RANBP9: variants seen among roughly 807,000 people sequenced by gnomAD.
RANBP9 encodes ran-binding protein 9.
Under a neutral mutation model 84.3 loss-of-function variants are expected in RANBP9, and 15 were observed. That is an observed-to-expected ratio of 0.18 (90% CI 0.12 to 0.27). The LOEUF (loss-of-function observed/expected upper bound fraction) is 0.27. RANBP9 is among the 10% of genes least tolerant of loss of function. RANBP9 has a pLI of 1.00. For synonymous variants in RANBP9, 392 were observed against 349.6 expected (o/e 1.12, Z -1.35); for missense variants, 809 against 912.8 (o/e 0.89, Z 1.46).
At chr6:13,682,107 C>A (rs1211681935) in intron 2 of RANBP9, among the ~76,000 whole-genome samples, 2 of 152,052 alleles carry the variant, frequency 1.3e-5, no homozygotes, top group Admixed American at 6.5e-5. Context: ...GGTGTTCCTC[C>A]CACCTCGGCC....
intron 1 of RANBP9, among the ~76,000 whole-genome samples, chr6:13,706,609 C>T (rs913002534): frequency 1.3e-5 from 2 of 151,234 alleles, no homozygotes; most frequent in African/African-American, 2.4e-5. Flanking sequence ...AGAAGAATTG[C>T]TTGAACCCGG....
At chr6:13,692,280 A>G (rs1196565343) in intron 2 of RANBP9, among the ~76,000 whole-genome samples, 1 of 152,140 alleles carries the variant, frequency 6.6e-6, no homozygotes, top group African/African-American at 2.4e-5. Context: ...TCACACCTAT[A>G]ATCCCAGCAC....
At chr6:13,648,942 A>C (rs890368165) in intron 5 of RANBP9, among the ~76,000 whole-genome samples, 1 of 152,234 alleles carries the variant, frequency 6.6e-6, no homozygotes, top group African/African-American at 2.4e-5. Context: ...GTCATTTCTC[A>C]AACTGGTGAG....
chr6:13,704,733 A>G (rs1351667079), intron 1 of RANBP9, among the ~76,000 whole-genome samples: 1 of 152,042 alleles, frequency 6.6e-6, no homozygotes, highest in Non-Finnish European at 1.5e-5. Context: ...CCAGACACAT[A>G]AAGTAATTCT....
chr6:13,681,824 A>G (rs774150076), intron 2 of RANBP9, among the ~76,000 whole-genome samples: 118 of 152,182 alleles, frequency 7.8e-4, no homozygotes, highest in Non-Finnish European at 1.4e-3. Context: ...TGAAGGGGGA[A>G]GAAAAAAAGG....
Position 13,637,937 on chromosome 6 carries a change from T to C in RANBP9, c.1544A>G (p.Asn515Ser). The C allele has an allele frequency of 6.3e-7, 1 of 1,595,370 alleles. No homozygotes were observed. The highest frequency in any genetic ancestry group is 1.8e-5 in the Admixed American group (1 of 54,638). The stretch of plus-strand genomic sequence containing the variant: ...ATGTGCTTTATTTGATATTACACCA[T>C]TACTACAACTTTCAAAACCTGAAGA... The part of the protein sequence containing the change: ...AHFSGFESCS[N>S]GVISNKAHQS... The change falls in exon 10 of 14, where the codon AAT becomes AGT. Residue 515 changes from asparagine to serine, a missense_variant. Around this residue, in one of 5 missense-constraint regions of RANBP9, gnomAD observed 216 missense variants for 329.0 expected, o/e 0.66. Transcript: ENST00000011619.
At chr6:13,627,721 T>A (rs2127759381) in intron 12 of RANBP9, among the ~76,000 whole-genome samples, 1 of 150,364 alleles carries the variant, frequency 6.7e-6, no homozygotes, top group East Asian at 2.0e-4. Context: ...CTGATGAGGG[T>A]ACCATACCCA....
At chr6:13,625,598 C>G in intron 13 of RANBP9, 55 bp downstream of exon 13, 1 of 1,301,182 alleles carries the variant, frequency 7.7e-7, no homozygotes, top group Non-Finnish European at 1.1e-6. Flanking sequence ...CAAACACCCT[C>G]TCTTAAATTT....
chr6:13,632,489 A>G lies in RANBP9; in HGVS notation c.1828T>C (p.Cys610Arg). Reference sequence around the variant, plus strand: ...TCTATGGCGGCCTGACTTCCTCCACACAACTGGCGTCTCAACTGACTTGAA... The same window carrying G: ...TCTATGGCGGCCTGACTTCCTCCACGCAACTGGCGTCTCAACTGACTTGAA... ...VDSSQLRRQL[C>R]GGSQAAIERM... The change falls in exon 12 of 14, where the codon TGT becomes CGT. Residue 610 changes from cysteine to arginine, a missense_variant. By Grantham distance (180) the Cys-to-Arg change is radical (BLOSUM62 -3). Coordinates refer to ENST00000011619, the MANE Select transcript of RANBP9 (RefSeq NM_005493.3). 2.5e-6 allele frequency: 4 copies of G among 1,613,848 alleles called. No homozygotes were observed. The highest frequency in any genetic ancestry group is 3.4e-6 in the Non-Finnish European group (4 of 1,179,790).
intron 2 of RANBP9, among the ~76,000 whole-genome samples, chr6:13,670,208 G>A (rs1673765943): frequency 1.3e-5 from 2 of 151,788 alleles, no homozygotes; most frequent in African/African-American, 4.8e-5. Flanking sequence ...CATTAGAATT[G>A]CTTGAGCCTG....
At chr6:13,641,367 A>G in intron 7 of RANBP9, 60 bp from the exon 8 acceptor site, 1 of 994,392 alleles carries the variant, frequency 1.0e-6, no homozygotes, top group Admixed American at 2.4e-5. Context: ...ACATAAACTT[A>G]GTGACCTCAG....
At chr6:13,679,450 T>C (rs568058105) in intron 2 of RANBP9, among the ~76,000 whole-genome samples, 1 of 152,338 alleles carries the variant, frequency 6.6e-6, no homozygotes, top group East Asian at 1.9e-4. Flanking sequence ...TAATTCCATC[T>C]GTAGTTAACT....
chr6:13,706,673 C>A (rs1168646751), intron 1 of RANBP9, among the ~76,000 whole-genome samples: 3 of 146,630 alleles, frequency 2.0e-5, no homozygotes, highest in Non-Finnish European at 3.0e-5. Context: ...AGCCTGACAA[C>A]AGCAGAGCGA....
intron 5 of RANBP9, among the ~76,000 whole-genome samples, chr6:13,651,321 G>A (rs952537313): frequency 6.6e-6 from 1 of 151,942 alleles, no homozygotes; most frequent in Admixed American, 6.6e-5. Context: ...TTGAATTTCT[G>A]CAATAGTCTT....
intron 13 of RANBP9, among the ~76,000 whole-genome samples, chr6:13,625,447 C>G (rs1304430352): frequency 6.6e-6 from 1 of 152,090 alleles, no homozygotes; most frequent in Admixed American, 6.5e-5. Context: ...CAAGTTGTAC[C>G]CCATCTTACT....
At chr6:13,633,981 G>C (rs1015084090) in intron 11 of RANBP9, among the ~76,000 whole-genome samples, 3 of 151,554 alleles carry the variant, frequency 2.0e-5, no homozygotes, top group African/African-American at 7.3e-5. Context: ...TCATACTTAA[G>C]CACCTACTAT....
At chr6:13,669,059 C>G (rs1172088611) in intron 2 of RANBP9, among the ~76,000 whole-genome samples, 1 of 151,300 alleles carries the variant, frequency 6.6e-6, no homozygotes, top group African/African-American at 2.4e-5. Context: ...GATTAATATG[C>G]AAAAATCAGT....
intron 1 of RANBP9, among the ~76,000 whole-genome samples, chr6:13,705,144 C>A (rs886318470): frequency 1.3e-5 from 2 of 152,034 alleles, no homozygotes; most frequent in Non-Finnish European, 2.9e-5. Context: ...TGGTTCACGC[C>A]TATAATCCCA....
chr6:13,679,313 A>G (rs2113324921), intron 2 of RANBP9, among the ~76,000 whole-genome samples: 1 of 152,322 alleles, frequency 6.6e-6, no homozygotes, highest in South Asian at 2.1e-4. Flanking sequence ...AGGCCTGGCT[A>G]TATTTACTAA....
Sources: gnomAD v4.1 joint callset for allele counts (sites outside exome capture counted in the v4.1 genomes callset) on GRCh38, gnomAD v4.1.1 for gene constraint, gnomAD v4.1.1 regional missense constraint, MANE v1.5 for transcripts, NCBI Gene and HGNC (gene_info 2026-07-23, HGNC 2026-07-21) for gene names.